PCDHA3: variants seen among roughly 807,000 people sequenced by gnomAD.
The protein encoded by PCDHA3 is protocadherin alpha 3.
PCDHA3 carries 41 observed loss-of-function variants against 62.2 expected under a neutral mutation model. The observed-to-expected ratio is 0.66, with a 90% CI of 0.51 to 0.86. The LOEUF (loss-of-function observed/expected upper bound fraction) is 0.86, where lower values mean the gene tolerates loss of function less well. PCDHA3 is among the 40% of genes least tolerant of loss of function. PCDHA3 has a pLI of 0.00. For missense variants in PCDHA3, 1,304 were observed against 1,241.2 expected (o/e 1.05, Z -0.76); for synonymous variants, 640 against 555.4 (o/e 1.15, Z -2.14).
chr5:140,954,996 A>G (rs879953600), intron 1 of PCDHA3, among the ~76,000 whole-genome samples: 16 of 152,214 alleles, frequency 1.1e-4, no homozygotes, highest in Non-Finnish European at 1.6e-4. Flanking sequence ...GCATATGGCT[A>G]GCCAATTCTC....
At position 140,834,754 on chromosome 5, in the gene PCDHA3, A is replaced by G. The variant is rs2150225554; in HGVS notation, c.2394+31163A>G. 43 of 1,614,038 alleles carry G rather than the reference A, an allele frequency of 2.7e-5. 1 individual carries two copies. The South Asian group carries it at 3.7e-4, about 14-fold the overall frequency. Reference sequence around the variant, plus strand: ...GTTTTCCATGTGGACGTGGAGGTGAAGGACATTAACGACAACCCTCCGGTG... The same window carrying G: ...GTTTTCCATGTGGACGTGGAGGTGAGGGACATTAACGACAACCCTCCGGTG... On this transcript the variant is annotated intron_variant, in intron 1 of 3. Coordinates refer to ENST00000522353, the MANE Select transcript of PCDHA3 (RefSeq NM_018906.3).
intron 1 of PCDHA3, chr5:140,968,110 G>A: frequency 1.2e-6 from 2 of 1,614,172 alleles, no homozygotes; most frequent in Non-Finnish European, 1.7e-6. Context: ...GAATACCGCA[G>A]CTCACATCCC....
chr5:140,803,077 A>G lies in PCDHA3; in HGVS notation c.1880A>G (p.Tyr627Cys), dbSNP rs782345607. ...GARIPFRVGLYTGEISTTRAL... is the reference protein window; with the variant it reads ...GARIPFRVGLCTGEISTTRAL... ...CGCATCCCGTTTCGCGTGGGGCTGT[A>G]CACGGGAGAGATCAGCACGACCCGT... is the stretch of plus-strand genomic sequence containing the variant. Residue 627 changes from tyrosine (Y) to cysteine (C), a missense_variant, in exon 1 of 4, where the codon TAC (tyrosine) becomes TGC (cysteine). Physicochemically the swap from Tyr to Cys is radical, Grantham distance 194. Transcript: ENST00000522353. 3 of 1,613,934 alleles carry G rather than the reference A, an allele frequency of 1.9e-6. No individual in the cohort carries two copies. In the Admixed American group the frequency reaches 5.0e-5, roughly 27 times the overall value.
rs147892853 is a variant in PCDHA3 at position 140,979,173 on chromosome 5, C to A, written c.2453+166C>A. ...CCCATGTTTATTCCTTGAAAGATCG[C>A]AAATGGTCAGTGCCAGATGCTTATC... On this transcript the variant is annotated intron_variant, in intron 2 of 3. Transcript: ENST00000522353. The A allele has an allele frequency of 5.2e-6, 5 of 958,838 alleles. No individual in the cohort carries two copies. The Admixed American group carries it at 3.1e-4, about 59-fold the overall frequency. 59.4% of individuals were successfully genotyped at this position (958,838 alleles called of 1,614,324 possible).
At chr5:140,803,646 G>A in intron 1 of PCDHA3, 55 bp downstream of exon 1, 1 of 1,612,886 alleles carries the variant, frequency 6.2e-7, no homozygotes, top group Non-Finnish European at 8.5e-7. Context: ...ATTCCTCAAT[G>A]TTTCCACTCC....
chr5:140,883,330 T>G, intron 1 of PCDHA3: 3 of 1,614,182 alleles, frequency 1.9e-6, no homozygotes, highest in Middle Eastern at 1.6e-4. Flanking sequence ...CCATCACTTC[T>G]TTGTCACTCC....
intron 1 of PCDHA3, among the ~76,000 whole-genome samples, chr5:140,909,427 T>C (rs777444474): frequency 5.8e-4 from 88 of 152,174 alleles, no homozygotes; most frequent in Non-Finnish European, 6.5e-4. Context: ...GTTAAACTTA[T>C]GATAATCCAC....
chr5:140,867,486 A>G (rs2049987159), intron 1 of PCDHA3: 1 of 152,146 alleles, frequency 6.6e-6, no homozygotes, highest in South Asian at 2.1e-4. Context: ...AAGAGTAAAT[A>G]TGAAAAAAGT....
In PCDHA3 at chr5:140,805,555, AG is replaced by A. The variant is rs1181654207; in HGVS notation, c.2394+1966del. 1.2e-5 allele frequency: 12 copies of A among 976,848 alleles called. No individual in the cohort carries two copies. The African/African-American group carries it at 2.1e-4, about 17-fold the overall frequency. 60.5% of individuals were successfully genotyped at this position (976,848 alleles called of 1,614,324 possible). A position where few individuals can be genotyped will look rare whatever the true frequency, so the allele number is the denominator to read the frequency against. On this transcript the variant is annotated intron_variant, in intron 1 of 3. Transcript: ENST00000522353. ...ATGAAAATAACTTTATGGATATAGG[AG>A]GCAAGGAAAGTTTTTAAATGGCTAC...
In PCDHA3 at chr5:140,856,020, G is replaced by C. The variant is rs782082828; in HGVS notation, c.2394+52429G>C. 111 of 1,553,262 alleles carry C rather than the reference G, an allele frequency of 7.1e-5. 11 individuals are homozygous for C. Among genetic ancestry groups the C allele is most frequent in the Non-Finnish European group, 9.5e-5 (109 of 1,143,834 alleles). ...TATGTGCGTTCTAGACCGCTGATTC[G>C]TCGATTTGTAAAACAAGAGAAGGAT... On this transcript the variant is annotated intron_variant, in intron 1 of 3. Coordinates refer to ENST00000522353, the MANE Select transcript of PCDHA3 (RefSeq NM_018906.3).
At chr5:140,819,318 G>A (rs1302745002) in intron 1 of PCDHA3, among the ~76,000 whole-genome samples, 3 of 152,048 alleles carry the variant, frequency 2.0e-5, no homozygotes, top group Non-Finnish European at 4.4e-5. Context: ...TCTGGGTTTT[G>A]TAAGGAATAA....
intron 1 of PCDHA3, 102 bp from the exon 2 acceptor site, chr5:140,978,847 G>GA: frequency 6.4e-7 from 1 of 1,570,216 alleles, no homozygotes; most frequent in Non-Finnish European, 8.6e-7. Context: ...TACTTTTTTA[G>GA]ATGCCTGGAA....
intron 1 of PCDHA3, chr5:140,969,583 AG>A: frequency 1.1e-6 from 1 of 914,068 alleles, no homozygotes; most frequent in South Asian, 1.9e-5. Context: ...AGTGAGGATT[AG>A]TCTTAATATT....
At chr5:140,829,999 C>G in intron 1 of PCDHA3, 1 of 1,613,998 alleles carries the variant, frequency 6.2e-7, no homozygotes, top group Non-Finnish European at 8.5e-7. Context: ...CCACTCGTGT[C>G]CTGGACGAAG....
chr5:140,828,840 G>C, intron 1 of PCDHA3: 1 of 1,614,210 alleles, frequency 6.2e-7, no homozygotes, highest in Non-Finnish European at 8.5e-7. Flanking sequence ...TACGAAGTAA[G>C]AATATTCGAA....
At position 140,803,024 on chromosome 5, in the gene PCDHA3, T is replaced by G; in HGVS notation, c.1827T>G (p.Tyr609Ter). Reference sequence around the variant, plus strand: ...CAGGCTACAACGCGTGGCTTTCGTATGAGCTGCAGCCTGGGACCGGCGGTG... The same window carrying G: ...CAGGCTACAACGCGTGGCTTTCGTAGGAGCTGCAGCCTGGGACCGGCGGTG... ...ADSGYNAWLS[Y>*]ELQPGTGGAR... The change falls in exon 1 of 4, where the codon TAT becomes TAG. Residue 609 changes from tyrosine (Y) to a stop codon, truncating the protein, a stop_gained. Coordinates refer to ENST00000522353, the MANE Select transcript of PCDHA3 (RefSeq NM_018906.3). LOFTEE classifies it high-confidence loss of function. 2 of 1,614,026 alleles carry G rather than the reference T, an allele frequency of 1.2e-6. No individual in the cohort carries two copies. The highest frequency in any genetic ancestry group is 2.2e-5 in the East Asian group (1 of 44,876).
chr5:140,846,555 T>C (rs1780556402), intron 1 of PCDHA3, among the ~76,000 whole-genome samples: 1 of 148,312 alleles, frequency 6.7e-6, no homozygotes, highest in Non-Finnish European at 1.5e-5. Flanking sequence ...TTTGTATTTT[T>C]AGTAGAGTCG....
chr5:140,941,241 T>TTCTTTCTTTCTTTC (rs1247398838), intron 1 of PCDHA3, among the ~76,000 whole-genome samples: 1 of 140,458 alleles, frequency 7.1e-6, no homozygotes, highest in Non-Finnish European at 1.5e-5. Flanking sequence ...CTTTCTTTCT[T>TTCTTTCTTTCTTTC]TCTTTCTTTC....
intron 1 of PCDHA3, among the ~76,000 whole-genome samples, chr5:140,901,935 GTA>G (rs200320249): frequency 0.011 from 1,607 of 151,762 alleles, 16 homozygotes; most frequent in African/African-American, 0.028. Context: ...TAATTCCTAG[GTA>G]TATTTAGTTT....
Sources: gnomAD v4.1 joint callset for allele counts (sites outside exome capture counted in the v4.1 genomes callset) on GRCh38, gnomAD v4.1.1 for gene constraint, MANE v1.5 for transcripts, NCBI Gene and HGNC (gene_info 2026-07-23, HGNC 2026-07-21) for gene names.